GALNT17: variants seen among roughly 807,000 people sequenced by gnomAD.
GALNT17 encodes the protein UDP-GalNAc:polypeptide N-acetylgalactosaminyltransferase-like 3.
A neutral mutation model predicts 63.7 loss-of-function variants in GALNT17; 29 were observed. That is an observed-to-expected ratio of 0.46 (90% CI 0.34 to 0.62). GALNT17 has a LOEUF of 0.62. Ranked by LOEUF, GALNT17 falls within the 20% of genes least tolerant of loss-of-function variation. The probability of loss-of-function intolerance (pLI) is 0.01; values close to 1 mark genes in which losing one functional copy is unlikely to be tolerated. For missense variants in GALNT17, 603 were observed against 799.6 expected, an observed-to-expected ratio of 0.75 and a Z score of 2.97; for synonymous variants, 305 against 318.3, an observed-to-expected ratio of 0.96 and a Z score of 0.45.
chr7:71,205,350 C>T (rs929241358), intron 1 of GALNT17, among the ~76,000 whole-genome samples: 4 of 151,978 alleles, frequency 2.6e-5, no homozygotes, highest in African/African-American at 7.3e-5. Context: ...GACAGCATTC[C>T]ACCATGTTGG....
chr7:71,490,040 G>C (rs529962563), intron 5 of GALNT17, among the ~76,000 whole-genome samples: 2 of 151,792 alleles, frequency 1.3e-5, no homozygotes, highest in Non-Finnish European at 2.9e-5. Context: ...GGCAGATCAC[G>C]AGGTCAGGAG....
intron 1 of GALNT17, chr7:71,307,707 T>C (rs1395557457): frequency 6.6e-6 from 1 of 152,582 alleles, no homozygotes; most frequent in Non-Finnish European, 1.5e-5. Flanking sequence ...TTCTGGTTCC[T>C]TCTACCAAGT....
At chr7:71,283,128 G>C (rs916019092) in intron 1 of GALNT17, among the ~76,000 whole-genome samples, 3 of 137,482 alleles carry the variant, frequency 2.2e-5, no homozygotes. Context: ...AACTCCTAGG[G>C]TCAAGTGATC....
At chr7:71,704,922 CAG>C (rs762321909) in intron 9 of GALNT17, among the ~76,000 whole-genome samples, 18 of 152,174 alleles carry the variant, frequency 1.2e-4, no homozygotes, top group Middle Eastern at 6.8e-3. Context: ...TTAGAAAACA[CAG>C]GGGTAAATCT....
In GALNT17 at chr7:71,566,858, A is replaced by G. The variant is rs1303841196; in HGVS notation, c.963-4427A>G. Among the ~76,000 whole-genome samples the G allele has an allele frequency of 5.9e-5, 9 of 152,214 alleles. No individual in the cohort carries two copies. The East Asian group carries it at 1.7e-3, about 30-fold the overall frequency. On this transcript the variant is annotated intron_variant, in intron 5 of 10. Coordinates refer to ENST00000333538, the MANE Select transcript of GALNT17 (RefSeq NM_022479.3). ...GAGCCAGGGCTCTCAGCAGATGGAAAGCCAGGATTCCTGGGTGGCCAGTCA... is the reference window on the plus strand; with the variant it reads ...GAGCCAGGGCTCTCAGCAGATGGAAGGCCAGGATTCCTGGGTGGCCAGTCA...
At chr7:71,385,470 T>C (rs1012891165) in intron 2 of GALNT17, among the ~76,000 whole-genome samples, 3 of 152,160 alleles carry the variant, frequency 2.0e-5, no homozygotes, top group African/African-American at 7.2e-5. Context: ...CACAGGACTT[T>C]TGCAAGGCCT....
At chr7:71,596,459 G>A (rs1220203050) in intron 6 of GALNT17, among the ~76,000 whole-genome samples, 1 of 152,090 alleles carries the variant, frequency 6.6e-6, no homozygotes, top group Non-Finnish European at 1.5e-5. Context: ...ACAGTGCAAA[G>A]TACCTGCAAA....
At chr7:71,255,908 GA>G (rs1361306460) in intron 1 of GALNT17, among the ~76,000 whole-genome samples, 1 of 152,156 alleles carries the variant, frequency 6.6e-6, no homozygotes, top group Non-Finnish European at 1.5e-5. Context: ...AAGTTAACCT[GA>G]AAAATGAGTT....
At chr7:71,240,448 C>T (rs1447918438) in intron 1 of GALNT17, among the ~76,000 whole-genome samples, 1 of 151,920 alleles carries the variant, frequency 6.6e-6, no homozygotes, top group Non-Finnish European at 1.5e-5. Context: ...ATTTGGAGTC[C>T]CCAGTGTCTG....
intron 5 of GALNT17, among the ~76,000 whole-genome samples, chr7:71,533,300 G>A (rs1254328747): frequency 6.6e-6 from 1 of 152,208 alleles, no homozygotes; most frequent in African/African-American, 2.4e-5. Context: ...ACTATGAGAC[G>A]ATGTATTCTT....
intron 4 of GALNT17, among the ~76,000 whole-genome samples, chr7:71,416,620 A>G (rs1000222960): frequency 6.6e-6 from 1 of 152,154 alleles, no homozygotes; most frequent in African/African-American, 2.4e-5. Flanking sequence ...TCAAAAAAAA[A>G]AGAAAAAAAG....
intron 2 of GALNT17, among the ~76,000 whole-genome samples, chr7:71,369,767 G>T (rs548371166): frequency 7.3e-6 from 1 of 136,604 alleles, no homozygotes; most frequent in Non-Finnish European, 1.5e-5. Flanking sequence ...AGCTGAGATC[G>T]CACCATTGCG....
At chr7:71,655,382 A>G (rs1790814890) in intron 6 of GALNT17, among the ~76,000 whole-genome samples, 1 of 152,214 alleles carries the variant, frequency 6.6e-6, no homozygotes, top group Non-Finnish European at 1.5e-5. Context: ...TGTGTCTTCC[A>G]TGATCTAGAA....
intron 6 of GALNT17, among the ~76,000 whole-genome samples, chr7:71,599,563 C>T (rs907607715): frequency 3.3e-5 from 5 of 152,024 alleles, no homozygotes; most frequent in African/African-American, 7.2e-5. Context: ...CAGGGACCAG[C>T]TGAATTTTAA....
intron 5 of GALNT17, among the ~76,000 whole-genome samples, chr7:71,570,822 A>C (rs891277489): frequency 6.6e-6 from 1 of 152,068 alleles, no homozygotes; most frequent in Non-Finnish European, 1.5e-5. Flanking sequence ...TCTACTAAAA[A>C]TACAAAATTA....
At chr7:71,542,695 C>CA (rs10664146) in intron 5 of GALNT17, among the ~76,000 whole-genome samples, 14,428 of 120,348 alleles carry the variant, frequency 0.12, 1,087 homozygotes, top group South Asian at 0.21. Context: ...GACTCCCTGT[C>CA]AAAAAAAAAA....
chr7:71,663,597 T>C lies in GALNT17; in HGVS notation c.1081-1814T>C, dbSNP rs556925786. Among the ~76,000 whole-genome samples the C allele has an allele frequency of 9.8e-4, 149 of 152,274 alleles. 1 individual carries two copies. The highest frequency in any genetic ancestry group is 2.6e-4 in the Non-Finnish European group (18 of 68,016). On this transcript the variant is annotated intron_variant, in intron 6 of 10. Transcript: ENST00000333538. ...GAACATCTATTCTCTACTAACCACT[T>C]AGCCCACAATTCCTCCTGGAAGAAG...
chr7:71,191,033 T>G (rs6979010), intron 1 of GALNT17, among the ~76,000 whole-genome samples: 1 of 152,162 alleles, frequency 6.6e-6, no homozygotes, highest in Non-Finnish European at 1.5e-5. Context: ...TCTTGGAATT[T>G]TTTTCATTTT....
chr7:71,691,846 T>G (rs571878619), intron 9 of GALNT17, among the ~76,000 whole-genome samples: 1 of 151,158 alleles, frequency 6.6e-6, no homozygotes, highest in South Asian at 2.1e-4. Flanking sequence ...GCTCCTCTTT[T>G]TTTAATCTTT....
Sources: allele counts gnomAD v4.1 joint callset (sites outside exome capture counted in the v4.1 genomes callset), GRCh38; gene constraint gnomAD v4.1.1; transcripts MANE v1.5; gene names NCBI Gene and HGNC (gene_info 2026-07-23, HGNC 2026-07-21).